LMF1: variants seen among roughly 807,000 people sequenced by gnomAD.
LMF1 encodes the protein transmembrane protein 112.
Under a neutral mutation model 60.6 loss-of-function variants are expected in LMF1, and 68 were observed. That is an observed-to-expected ratio of 1.12 (90% CI 0.92 to 1.37). LMF1 has a LOEUF of 1.37. Ranked by LOEUF, LMF1 falls within the 40% of genes most tolerant of loss-of-function variation. The pLI, the probability that LMF1 is intolerant of heterozygous loss-of-function variation, is 0.00. For synonymous variants in LMF1, 418 were observed against 324.7 expected, an observed-to-expected ratio of 1.29 and a Z score of -3.09; for missense variants, 948 against 767.2, an observed-to-expected ratio of 1.24 and a Z score of -2.78.
chr16:945,082 A>G (rs4984733), intron 2 of LMF1, among the ~76,000 whole-genome samples: 71,696 of 151,150 alleles, frequency 0.47, 18,638 homozygotes, highest in African/African-American at 0.69. Flanking sequence ...GTGGTGGCAG[A>G]TGCCTATAAT....
At chr16:937,411 T>C (rs1390103507) in intron 2 of LMF1, among the ~76,000 whole-genome samples, 1 of 152,204 alleles carries the variant, frequency 6.6e-6, no homozygotes, top group African/African-American at 2.4e-5. Flanking sequence ...ACACGCTCCC[T>C]CTGACTGCCT....
At chr16:913,208 G>A (rs986024741) in intron 3 of LMF1, among the ~76,000 whole-genome samples, 9 of 152,204 alleles carry the variant, frequency 5.9e-5, no homozygotes, top group East Asian at 3.9e-4. Flanking sequence ...TCCACTCCAC[G>A]GCTCCGGCGT....
At chr16:975,101 C>T (rs942046736), upstream of LMF1, among the ~76,000 whole-genome samples, 3 of 152,110 alleles carry the variant, frequency 2.0e-5, no homozygotes, top group African/African-American at 2.4e-5. Context: ...TGTCCTGGGA[C>T]GATGACTCAC....
chr16:954,482 C>T lies in LMF1; in HGVS notation c.378G>A (p.Leu126=), dbSNP rs557385075. ...LMDWSDMNSN[L]DLLALLGLGI... ...CCAGTCCGAGAAGAGCCAGCAAGTC[C>T]AGGTTGGAGTTCATGTCTGACCAGT... The change falls in exon 2 of 11, where the codon CTG becomes CTA. Residue 126 remains leucine, a synonymous_variant. Coordinates refer to ENST00000262301, the MANE Select transcript of LMF1 (RefSeq NM_022773.4). 27 of 1,612,822 alleles carry T rather than the reference C, an allele frequency of 1.7e-5. No homozygotes were observed. The highest frequency in any genetic ancestry group is 1.3e-4 in the South Asian group (12 of 90,884).
chr16:957,090 G>A (rs929928706), intron 1 of LMF1, among the ~76,000 whole-genome samples: 4 of 152,164 alleles, frequency 2.6e-5, no homozygotes, highest in Admixed American at 6.5e-5. Context: ...CCGGGAGGCT[G>A]CAGTGAGCCG....
intron 2 of LMF1, among the ~76,000 whole-genome samples, chr16:938,223 G>A (rs2071998842): frequency 6.6e-6 from 1 of 152,200 alleles, no homozygotes; most frequent in Non-Finnish European, 1.5e-5. Context: ...GCTGTGCAGG[G>A]CCATGGCCTG....
At chr16:910,183 A>G (rs529477776) in intron 4 of LMF1, among the ~76,000 whole-genome samples, 1 of 152,350 alleles carries the variant, frequency 6.6e-6, no homozygotes, top group Admixed American at 6.5e-5. Flanking sequence ...TAAAGTGCAC[A>G]TCGTGTTTTT....
intron 10 of LMF1, among the ~76,000 whole-genome samples, chr16:862,823 A>C (rs2069502670): frequency 1.3e-5 from 2 of 151,216 alleles, no homozygotes; most frequent in African/African-American, 4.9e-5. Context: ...GTGCCATTGC[A>C]CTCCAGCCTG....
chr16:864,898 A>G (rs1214804018), intron 10 of LMF1, among the ~76,000 whole-genome samples: 3 of 152,190 alleles, frequency 2.0e-5, no homozygotes, highest in Non-Finnish European at 2.9e-5. Flanking sequence ...CTGACATTAC[A>G]GGAGTGAGCC....
At position 936,854 on chromosome 16, in the gene LMF1, G is replaced by C. The variant is rs910982146; in HGVS notation, c.504-2600C>G. On this transcript the variant is annotated intron_variant, in intron 2 of 10. Coordinates refer to ENST00000262301, the MANE Select transcript of LMF1 (RefSeq NM_022773.4). ...GTGGTGGCGCACACCTGTAGTCCCA[G>C]TGACCTTGGGGCCGAGGCTGGAAGA... Among the ~76,000 whole-genome samples, 70 of 152,200 alleles carry C rather than the reference G, an allele frequency of 4.6e-4. 2 individuals carry two copies. The highest frequency in any genetic ancestry group is 4.1e-3 in the Admixed American group (63 of 15,280).
At chr16:875,781 T>C (rs773215485) in intron 6 of LMF1, among the ~76,000 whole-genome samples, 2 of 152,142 alleles carry the variant, frequency 1.3e-5, no homozygotes, top group South Asian at 4.1e-4. Context: ...GGCATCTCTG[T>C]GTTCTCCACC....
intron 1 of LMF1, among the ~76,000 whole-genome samples, chr16:964,801 C>A (rs1277329870): frequency 2.6e-5 from 4 of 152,204 alleles, no homozygotes; most frequent in Non-Finnish European, 5.9e-5. Flanking sequence ...GACGAGGATG[C>A]CAAGCTACAA....
chr16:885,877 T>C (rs2070292668), intron 5 of LMF1, among the ~76,000 whole-genome samples: 1 of 152,248 alleles, frequency 6.6e-6, no homozygotes, highest in Non-Finnish European at 1.5e-5. Context: ...TTTGATCTAA[T>C]GAATCCTGAC....
Position 853,732 on chromosome 16 carries a change from T to C in LMF1, c.*800A>G, listed in dbSNP as rs1596813050. 2 of 454,134 alleles carry C rather than the reference T, an allele frequency of 4.4e-6. No individual in the cohort carries two copies. Among genetic ancestry groups the C allele is most frequent in the South Asian group, 3.1e-5 (2 of 64,480 alleles). 28.1% of individuals were successfully genotyped at this position (454,134 alleles called of 1,614,324 possible). A position where few individuals can be genotyped will look rare whatever the true frequency, so the allele number is the denominator to read the frequency against. On this transcript the variant is annotated 3_prime_UTR_variant, in exon 11 of 11. Coordinates refer to ENST00000262301, the MANE Select transcript of LMF1 (RefSeq NM_022773.4). Reference sequence around the variant, plus strand: ...AATAAGAAAAATGTGCAGTAGACGCTGTTTGTCCGACGATGATGAAAGTGT... The same window carrying C: ...AATAAGAAAAATGTGCAGTAGACGCCGTTTGTCCGACGATGATGAAAGTGT...
intron 4 of LMF1, chr16:901,352 G>A (rs1351110531): frequency 7.1e-6 from 1 of 140,566 alleles, no homozygotes; most frequent in East Asian, 2.0e-4. Flanking sequence ...GTGGCACAGA[G>A]GTGCCGGGAC....
chr16:933,951 G>A, intron 3 of LMF1: 1 of 1,410,788 alleles, frequency 7.1e-7, no homozygotes, highest in Non-Finnish European at 9.4e-7. Flanking sequence ...GGGCCTGTGG[G>A]TGCTTTCCCT....
chr16:934,201 C>T (rs375294291), intron 3 of LMF1, 43 bp downstream of exon 3: 21 of 1,599,132 alleles, frequency 1.3e-5, no homozygotes, highest in African/African-American at 2.7e-5. Context: ...AAACACACAA[C>T]GCTCAACTCT....
At chr16:879,512 T>G in intron 6 of LMF1, 58 bp downstream of exon 6, 1 of 1,582,456 alleles carries the variant, frequency 6.3e-7, no homozygotes, top group East Asian at 2.3e-5. Context: ...CAGCCAGAAA[T>G]AGGGCGACGG....
At chr16:970,741 G>A (rs1035586959) in intron 1 of LMF1, 47 bp downstream of exon 1, 25 of 1,472,980 alleles carry the variant, frequency 1.7e-5, no homozygotes, top group Middle Eastern at 3.5e-4. Context: ...GGGTCGTGGT[G>A]CGCGGAGGTG....
Sources: gnomAD v4.1 joint callset for allele counts (sites outside exome capture counted in the v4.1 genomes callset) on GRCh38, gnomAD v4.1.1 for gene constraint, MANE v1.5 for transcripts, NCBI Gene and HGNC (gene_info 2026-07-23, HGNC 2026-07-21) for gene names.